DENND1B: variants seen among roughly 807,000 people sequenced by gnomAD.
The protein encoded by DENND1B is DENN domain containing 1B, also known as DENN domain-containing protein 1B.
Under a neutral mutation model 90.1 loss-of-function variants are expected in DENND1B, and 59 were observed. The ratio of observed to expected loss-of-function variants is 0.65; its 90% CI spans 0.53 to 0.81. The LOEUF is 0.81. Among genes scored for constraint, DENND1B ranks in the 40% least tolerant of loss-of-function variants. The pLI, the probability that DENND1B is intolerant of heterozygous loss-of-function variation, is 0.00. For missense variants in DENND1B, 862 were observed against 912.6 expected, an observed-to-expected ratio of 0.94 and a Z score of 0.71; for synonymous variants, 337 against 324.6, an observed-to-expected ratio of 1.04 and a Z score of -0.41.
chr1:197,546,061 G>T lies in DENND1B; in HGVS notation c.1282-71C>A. On this transcript the variant is annotated intron_variant, in intron 17 of 22. Transcript: ENST00000620048. ...AATATCCTGAAAACAAAGTATTACAGTAAGTTGCATATTTAAAAAAAGGGC... is the reference window on the plus strand; with the variant it reads ...AATATCCTGAAAACAAAGTATTACATTAAGTTGCATATTTAAAAAAAGGGC... The T allele has an allele frequency of 3.9e-6, 5 of 1,287,548 alleles. No individual in the cohort carries two copies. The South Asian group carries it at 6.9e-5, about 18-fold the overall frequency. The allele number at this position is 1,287,548 out of a possible 1,614,324, so 79.8% of individuals were successfully genotyped here.
At chr1:197,513,722 C>A (rs1668197522) in intron 20 of DENND1B, among the ~76,000 whole-genome samples, 1 of 151,446 alleles carries the variant, frequency 6.6e-6, no homozygotes, top group Non-Finnish European at 1.5e-5. Flanking sequence ...CTATTTCTCC[C>A]CATATTTTTT....
intron 12 of DENND1B, among the ~76,000 whole-genome samples, chr1:197,607,909 A>G (rs1676835272): frequency 6.6e-6 from 1 of 150,700 alleles, no homozygotes; most frequent in Non-Finnish European, 1.5e-5. Flanking sequence ...CATTTTTCCT[A>G]CTTAAACTAA....
chr1:197,670,486 T>TGTG (rs1336591945), intron 5 of DENND1B, among the ~76,000 whole-genome samples: 7 of 145,028 alleles, frequency 4.8e-5, no homozygotes, highest in South Asian at 2.2e-4. Context: ...TGTGTGTGTA[T>TGTG]TGAGAGAGAA....
At chr1:197,643,264 C>T (rs983667295) in intron 9 of DENND1B, among the ~76,000 whole-genome samples, 1 of 151,652 alleles carries the variant, frequency 6.6e-6, no homozygotes, top group East Asian at 1.9e-4. Flanking sequence ...AGGTGATTTT[C>T]GTGCTTCAGC....
chr1:197,515,086 T>A (rs1668303614), intron 20 of DENND1B, among the ~76,000 whole-genome samples: 1 of 151,672 alleles, frequency 6.6e-6, no homozygotes, highest in Admixed American at 6.6e-5. Flanking sequence ...ATAATTGTCT[T>A]CTTTTATTGC....
At chr1:197,576,903 A>G (rs1433089256) in intron 15 of DENND1B, among the ~76,000 whole-genome samples, 1 of 152,224 alleles carries the variant, frequency 6.6e-6, no homozygotes, top group Non-Finnish European at 1.5e-5. Context: ...CTATTTAAAT[A>G]TATGTGAGTT....
At chr1:197,684,256 G>GA (rs998352380) in intron 3 of DENND1B, among the ~76,000 whole-genome samples, 2 of 151,862 alleles carry the variant, frequency 1.3e-5, no homozygotes, top group African/African-American at 2.4e-5. Flanking sequence ...TTTTATGTGT[G>GA]AAAAAAAATT....
rs757790259 is a variant in DENND1B at position 197,751,887 on chromosome 1, GGGA to G, written c.82+20978_82+20980del. 1.6e-4 allele frequency among the ~76,000 whole-genome samples: 24 copies of G among 146,120 alleles called. 1 individual carries two copies. The highest frequency in any genetic ancestry group is 6.6e-4 in the South Asian group (3 of 4,572). On this transcript the variant is annotated intron_variant, in intron 2 of 22. Transcript: ENST00000620048. ...AGGGGAAGAAGGAGGAGGAGGAGGA[GGGA>G]GGAGGAGGAGGAGGAGGGGAGAAGG...
At chr1:197,752,160 AAG>A (rs559900804) in intron 2 of DENND1B, among the ~76,000 whole-genome samples, 45 of 152,100 alleles carry the variant, frequency 3.0e-4, no homozygotes, top group Admixed American at 1.7e-3. Flanking sequence ...CTAATAAAAA[AAG>A]AGAGGTGATA....
chr1:197,765,370 A>T (rs1404831578), intron 2 of DENND1B, among the ~76,000 whole-genome samples: 1 of 152,212 alleles, frequency 6.6e-6, no homozygotes, highest in Non-Finnish European at 1.5e-5. Context: ...TGATATTCTC[A>T]TTGTTATCTG....
chr1:197,750,548 T>C (rs1653333603), intron 2 of DENND1B, among the ~76,000 whole-genome samples: 4 of 149,486 alleles, frequency 2.7e-5, no homozygotes, highest in African/African-American at 9.9e-5. Context: ...CAATGATTGT[T>C]AGACTGGATA....
intron 2 of DENND1B, among the ~76,000 whole-genome samples, chr1:197,756,634 T>C (rs1310723399): frequency 6.7e-6 from 1 of 148,862 alleles, no homozygotes; most frequent in Admixed American, 6.7e-5. Flanking sequence ...AGATTTACTA[T>C]TTAGGGAAAA....
intron 15 of DENND1B, among the ~76,000 whole-genome samples, chr1:197,569,432 A>G (rs576093796): frequency 1.3e-5 from 2 of 152,276 alleles, no homozygotes; most frequent in East Asian, 3.9e-4. Context: ...GAATATATCC[A>G]AAGGAAATGA....
chr1:197,770,009 A>T (rs1656207868), intron 2 of DENND1B, among the ~76,000 whole-genome samples: 1 of 152,106 alleles, frequency 6.6e-6, no homozygotes, highest in African/African-American at 2.4e-5. Context: ...ATTTATAGCT[A>T]CTAATTTATC....
chr1:197,779,993 T>A (rs907693227), upstream of DENND1B, among the ~76,000 whole-genome samples: 4 of 152,210 alleles, frequency 2.6e-5, no homozygotes, highest in Non-Finnish European at 4.4e-5. Context: ...CTGGAGAAGA[T>A]ATTAATTTAC....
At chr1:197,515,735 G>A (rs1396192191) in intron 20 of DENND1B, among the ~76,000 whole-genome samples, 3 of 151,716 alleles carry the variant, frequency 2.0e-5, no homozygotes, top group Admixed American at 6.6e-5. Flanking sequence ...GTTAAATTAA[G>A]TCAAGCCTTT....
intron 2 of DENND1B, among the ~76,000 whole-genome samples, chr1:197,748,964 C>A (rs914403064): frequency 6.6e-6 from 1 of 151,942 alleles, no homozygotes; most frequent in Non-Finnish European, 1.5e-5. Flanking sequence ...AGATTCAAAA[C>A]GAAAATCTAC....
intron 2 of DENND1B, among the ~76,000 whole-genome samples, chr1:197,739,316 ATAACT>A (rs1399358586): frequency 6.6e-6 from 1 of 152,250 alleles, no homozygotes; most frequent in Non-Finnish European, 1.5e-5. Flanking sequence ...CTGTTTCCAA[ATAACT>A]TAACTGTAAT....
chr1:197,589,907 T>A (rs1221976899), intron 14 of DENND1B, among the ~76,000 whole-genome samples: 3 of 152,180 alleles, frequency 2.0e-5, no homozygotes, highest in African/African-American at 7.2e-5. Context: ...GGCAGGATAA[T>A]CAAGTATGTC....
Sources: allele counts gnomAD v4.1 joint callset (sites outside exome capture counted in the v4.1 genomes callset), GRCh38; gene constraint gnomAD v4.1.1; transcripts MANE v1.5; gene names NCBI Gene and HGNC (gene_info 2026-07-23, HGNC 2026-07-21).